Variants in PALS2 observed in about 807,000 individuals in gnomAD.
PALS2 encodes protein associated with LIN7 2, MAGUK p55 family member, also known as protein PALS2.
PALS2 carries 27 observed loss-of-function variants against 61.6 expected under a neutral mutation model. That is an observed-to-expected ratio of 0.44 (90% CI 0.32 to 0.60). The LOEUF is 0.60. Ranked by LOEUF, PALS2 falls within the 20% of genes least tolerant of loss-of-function variation. The probability of loss-of-function intolerance (pLI) is 0.05; values close to 1 mark genes in which losing one functional copy is unlikely to be tolerated. For missense variants in PALS2, 554 were observed against 639.4 expected (o/e 0.87, Z 1.44); for synonymous variants, 236 against 218.6 (o/e 1.08, Z -0.70).
Position 24,666,062 on chromosome 7 carries a change from A to T in PALS2, c.925A>T (p.Met309Leu), listed in dbSNP as rs1167703958. 6.2e-7 allele frequency: 1 copy of T among 1,612,014 alleles called. No individual in the cohort carries two copies. Residue 309 changes from methionine to leucine, a missense_variant, in exon 8 of 12, where the codon ATG becomes TTG. Met to Leu is a conservative substitution (Grantham distance 15). Coordinates refer to ENST00000222644, the MANE Select transcript of PALS2 (RefSeq NM_001303037.2). ...TATAAGTAGCAAAAAAAAGAAAAAGATGATGTATCTCACAACCAGAAATGC... is the reference window on the plus strand; with the variant it reads ...TATAAGTAGCAAAAAAAAGAAAAAGTTGATGTATCTCACAACCAGAAATGC... ...GTISSKKKKKMMYLTTRNAEF... is the reference protein window; with the variant it reads ...GTISSKKKKKLMYLTTRNAEF...
chr7:24,685,747 T>C (rs1338704052), intron 11 of PALS2, among the ~76,000 whole-genome samples: 2 of 152,050 alleles, frequency 1.3e-5, no homozygotes, highest in East Asian at 3.9e-4. Context: ...ATCAAAGATA[T>C]TTTAGCTGTT....
intron 9 of PALS2, among the ~76,000 whole-genome samples, chr7:24,676,779 C>G (rs1398696352): frequency 1.3e-5 from 2 of 151,076 alleles, no homozygotes; most frequent in Non-Finnish European, 2.9e-5. Flanking sequence ...GTTACTGTAG[C>G]CTTGTAGTAT....
Position 24,639,814 on chromosome 7 carries a change from A to ATTTTTTTTTT in PALS2, c.118-1887_118-1878dup, listed in dbSNP as rs61073575. Among the ~76,000 whole-genome samples the ATTTTTTTTTT allele has an allele frequency of 1.8e-4, 17 of 96,250 alleles. 1 individual carries two copies. Among genetic ancestry groups the ATTTTTTTTTT allele is most frequent in the African/African-American group, 6.8e-4 (15 of 22,024 alleles). The allele number at this position is 96,250 out of a possible 152,430, so 63.1% of individuals were successfully genotyped here. On this transcript the variant is annotated intron_variant, in intron 2 of 11. Transcript: ENST00000222644. ...ATTTTTTGTGGCATTTTCTAGTCTA[A>ATTTTTTTTTT]TTTTTTTTTTTTTTTTTTTTTTTTG...
chr7:24,604,150 A>G (rs562006947), intron 1 of PALS2, among the ~76,000 whole-genome samples: 14 of 150,012 alleles, frequency 9.3e-5, no homozygotes, highest in African/African-American at 2.9e-4. Flanking sequence ...GTTCAAGACT[A>G]TGATCACACC....
intron 6 of PALS2, among the ~76,000 whole-genome samples, chr7:24,664,858 C>A (rs1355208307): frequency 6.6e-6 from 1 of 151,642 alleles, no homozygotes; most frequent in Non-Finnish European, 1.5e-5. Context: ...GTTTTCTCTT[C>A]TAACCTGTCA....
At chr7:24,602,787 T>C (rs1783766372) in intron 1 of PALS2, among the ~76,000 whole-genome samples, 1 of 152,184 alleles carries the variant, frequency 6.6e-6, no homozygotes, top group African/African-American at 2.4e-5. Context: ...TGAATTGTAA[T>C]CCCATAATTC....
At chr7:24,684,116 G>T (rs1007781415) in intron 11 of PALS2, among the ~76,000 whole-genome samples, 3 of 151,592 alleles carry the variant, frequency 2.0e-5, no homozygotes, top group South Asian at 2.1e-4. Context: ...TCACTATGGG[G>T]TTTTTTTGTT....
intron 1 of PALS2, among the ~76,000 whole-genome samples, chr7:24,587,800 A>C (rs1041482342): frequency 1.3e-5 from 2 of 152,160 alleles, no homozygotes; most frequent in Non-Finnish European, 2.9e-5. Context: ...TAGCAAATAC[A>C]TCTTACAACC....
At chr7:24,640,680 A>G (rs1053615407) in intron 2 of PALS2, among the ~76,000 whole-genome samples, 1 of 152,178 alleles carries the variant, frequency 6.6e-6, no homozygotes, top group South Asian at 2.1e-4. Context: ...TTTGAACTTA[A>G]CACTCGGCTT....
At chr7:24,604,537 CAGAAA>C (rs1292223297) in intron 1 of PALS2, among the ~76,000 whole-genome samples, 1 of 151,982 alleles carries the variant, frequency 6.6e-6, no homozygotes, top group Non-Finnish European at 1.5e-5. Context: ...GAGTTTCAGA[CAGAAA>C]GGAAAGAGAG....
At chr7:24,614,092 T>C (rs1784207467) in intron 1 of PALS2, among the ~76,000 whole-genome samples, 1 of 151,920 alleles carries the variant, frequency 6.6e-6, no homozygotes, top group Non-Finnish European at 1.5e-5. Context: ...TTCCTGTACT[T>C]TGAATAAATT....
intron 1 of PALS2, among the ~76,000 whole-genome samples, chr7:24,623,132 T>C (rs756654474): frequency 4.6e-5 from 7 of 151,816 alleles, no homozygotes; most frequent in Non-Finnish European, 7.4e-5. Flanking sequence ...TTGTGTGTGA[T>C]GTTGTTGGGT....
Position 24,694,111 on chromosome 7 carries a change from GC to G in PALS2, c.*6498del, listed in dbSNP as rs1788597230. The stretch of plus-strand genomic sequence containing the variant: ...TTAAAAAGAAAAATTAATTGCTACT[GC>G]TTTCCAGGTAATTGTATTATTAGTT... On this transcript the variant is annotated 3_prime_UTR_variant, in exon 12 of 12. Transcript: ENST00000222644. 6.6e-6 allele frequency: 1 copy of G among 152,070 alleles called. No individual in the cohort carries two copies. Among genetic ancestry groups the G allele is most frequent in the South Asian group, 2.1e-4 (1 of 4,820 alleles). The allele number at this position is 152,070 out of a possible 1,614,324, so 9.4% of individuals were successfully genotyped here.
intron 5 of PALS2, among the ~76,000 whole-genome samples, chr7:24,662,637 C>T (rs1786783357): frequency 6.6e-6 from 1 of 151,782 alleles, no homozygotes; most frequent in Non-Finnish European, 1.5e-5. Flanking sequence ...GGTGTGGTGG[C>T]ACACGCCTGT....
At chr7:24,642,322 C>T (rs2128072017) in intron 3 of PALS2, among the ~76,000 whole-genome samples, 1 of 152,216 alleles carries the variant, frequency 6.6e-6, no homozygotes. Flanking sequence ...ATAATCTCCA[C>T]AGGTACAGAA....
chr7:24,668,440 G>T, intron 8 of PALS2, 59 bp from the exon 9 acceptor site: 1 of 1,468,690 alleles, frequency 6.8e-7, no homozygotes, highest in South Asian at 1.2e-5. Context: ...CAGAATTGCA[G>T]AGATTTCTTT....
intron 9 of PALS2, among the ~76,000 whole-genome samples, chr7:24,671,338 C>T (rs905866491): frequency 4.6e-5 from 7 of 152,146 alleles, no homozygotes; most frequent in Non-Finnish European, 1.0e-4. Context: ...GGAGGAATGT[C>T]TGTTCAAACT....
rs1783537257 is a variant in PALS2, at chr7:24,596,689, ATT to A, written c.-3+23098_-3+23099del. Among the ~76,000 whole-genome samples the A allele has an allele frequency of 6.6e-6, 1 of 152,132 alleles. No homozygotes were observed. The highest frequency in any genetic ancestry group is 1.5e-5 in the Non-Finnish European group (1 of 68,010). On this transcript the variant is annotated intron_variant, in intron 1 of 11. Transcript: ENST00000222644. This position sits in a 1 kb window ranked among gnomAD's most constrained non-coding sequence, Gnocchi z 4.5. ...GAGTAAATTGGCAACAGTGCTATTTATTTGAGCTCTGTTTAAAAAGGAAAAAA... is the reference window on the plus strand; with the variant it reads ...GAGTAAATTGGCAACAGTGCTATTTATGAGCTCTGTTTAAAAAGGAAAAAA...
intron 1 of PALS2, among the ~76,000 whole-genome samples, chr7:24,578,598 A>G (rs1782726157): frequency 6.6e-6 from 1 of 152,102 alleles, no homozygotes; most frequent in Admixed American, 6.5e-5. Context: ...GCTGCAGAGG[A>G]CCACTTCTAG....
Sources: gnomAD v4.1 joint callset for allele counts (sites outside exome capture counted in the v4.1 genomes callset) on GRCh38, gnomAD v4.1.1 for gene constraint, Gnocchi (gnomAD v3.1) non-coding constraint, MANE v1.5 for transcripts, NCBI Gene and HGNC (gene_info 2026-07-23, HGNC 2026-07-21) for gene names.